TMCC1: variants seen among roughly 807,000 people sequenced by gnomAD.
The protein encoded by TMCC1 is transmembrane and coiled-coil domain family 1, also known as transmembrane and coiled-coil domains protein 1.
In TMCC1, 15 loss-of-function variants were observed where a neutral mutation model predicts 52.4. That is an observed-to-expected ratio of 0.29 (90% CI 0.19 to 0.44). TMCC1 has a LOEUF of 0.44. Among genes scored for constraint, TMCC1 ranks in the 20% least tolerant of loss-of-function variants. The pLI, the probability that TMCC1 is intolerant of heterozygous loss-of-function variation, is 1.00. For synonymous variants in TMCC1, 279 were observed against 301.9 expected (o/e 0.92, Z 0.79); for missense variants, 503 against 806.0 (o/e 0.62, Z 4.55).
At chr3:129,687,878 GA>G (rs903620536) in intron 4 of TMCC1, among the ~76,000 whole-genome samples, 1 of 151,556 alleles carries the variant, frequency 6.6e-6, no homozygotes, top group Admixed American at 6.6e-5. Flanking sequence ...AAAAAGCAGG[GA>G]AAAAAAAGCA....
At chr3:129,720,585 C>T (rs1313797297) in intron 4 of TMCC1, among the ~76,000 whole-genome samples, 11 of 152,166 alleles carry the variant, frequency 7.2e-5, no homozygotes, top group African/African-American at 2.4e-4. Context: ...ACCTGAGCCC[C>T]CCAACAACTA....
intron 4 of TMCC1, among the ~76,000 whole-genome samples, chr3:129,773,390 C>A (rs1009175693): frequency 6.6e-6 from 1 of 151,888 alleles, no homozygotes; most frequent in African/African-American, 2.4e-5. Flanking sequence ...TAATAGAAAG[C>A]AAAGCTAGGG....
intron 4 of TMCC1, among the ~76,000 whole-genome samples, chr3:129,716,949 T>C (rs2049155617): frequency 6.6e-6 from 1 of 152,202 alleles, no homozygotes; most frequent in African/African-American, 2.4e-5. Context: ...TTCAGTGACA[T>C]TTCGAATAGT....
intron 5 of TMCC1, among the ~76,000 whole-genome samples, chr3:129,664,691 T>C (rs139736089): frequency 8.5e-4 from 129 of 152,236 alleles, no homozygotes; most frequent in African/African-American, 2.6e-3. Context: ...CCAGATCCCC[T>C]AAGAAAAAAA....
chr3:129,661,647 A>T lies in TMCC1; in HGVS notation c.1512-6544T>A, dbSNP rs182538261. ...AAACCCTGTCTCTACTAAAAATACA[A>T]AAAAAATCAGGTTGGTGTGGTGGCA... On this transcript the variant is annotated intron_variant, in intron 5 of 6. Coordinates refer to ENST00000393238, the MANE Select transcript of TMCC1 (RefSeq NM_001017395.5). Among the ~76,000 whole-genome samples, 9 of 152,154 alleles carry T rather than the reference A, an allele frequency of 5.9e-5. No individual in the cohort carries two copies. In the East Asian group the frequency reaches 1.7e-3, roughly 29 times the overall value.
At position 129,670,631 on chromosome 3, in the gene TMCC1, C is replaced by G. The variant is rs769023534; in HGVS notation, c.1210G>C (p.Ala404Pro). The G allele has an allele frequency of 9.9e-6, 16 of 1,614,110 alleles. No individual in the cohort carries two copies. The South Asian group carries it at 1.8e-4, about 18-fold the overall frequency. ...TGAAAGTTTGAAATCACTCCCAAAG[C>G]CTTCCCCGCATCATCCACTTGCCCT... ...EEGQVDDAGK[A>P]LGVISNFQSS... Residue 404 changes from alanine to proline, a missense_variant, in exon 5 of 7, where the codon GCT (alanine) becomes CCT (proline). Physicochemically the swap from Ala to Pro is conservative, Grantham distance 27. This residue lies in a region of TMCC1 where 38 missense variants were observed against 29.8 expected (regional missense o/e 1.28). Transcript: ENST00000393238.
intron 2 of TMCC1, among the ~76,000 whole-genome samples, chr3:129,872,389 A>G (rs1560591618): frequency 6.6e-6 from 1 of 152,156 alleles, no homozygotes. Flanking sequence ...TAGATATACA[A>G]ATTCTCAGGC....
chr3:129,883,863 A>T (rs557671259), intron 1 of TMCC1, among the ~76,000 whole-genome samples: 1 of 151,704 alleles, frequency 6.6e-6, no homozygotes, highest in South Asian at 2.1e-4. Context: ...TTTAGAAATA[A>T]AAAAATTAAA....
chr3:129,784,428 C>T lies in TMCC1; in HGVS notation c.576+43375G>A, dbSNP rs996114447. ...AAAAATACAAAAAATTAGCCCGGTG[C>T]AGTGGCGGGCGCCTGTAGTTCCAGC... On this transcript the variant is annotated intron_variant, in intron 4 of 6. Coordinates refer to ENST00000393238, the MANE Select transcript of TMCC1 (RefSeq NM_001017395.5). Among the ~76,000 whole-genome samples the T allele has an allele frequency of 3.3e-5, 5 of 151,608 alleles. No individual in the cohort carries two copies. The East Asian group carries it at 5.8e-4, about 18-fold the overall frequency.
At chr3:129,765,991 ACT>A (rs1427354912) in intron 4 of TMCC1, among the ~76,000 whole-genome samples, 3 of 152,116 alleles carry the variant, frequency 2.0e-5, no homozygotes, top group African/African-American at 7.2e-5. Context: ...ATTTGGATAT[ACT>A]CGAAGCCCAA....
chr3:129,652,338 C>T (rs1207182674), intron 6 of TMCC1, among the ~76,000 whole-genome samples: 4 of 152,140 alleles, frequency 2.6e-5, no homozygotes, highest in African/African-American at 9.7e-5. Flanking sequence ...GCCAAATGAA[C>T]GGACTCCCTC....
intron 4 of TMCC1, among the ~76,000 whole-genome samples, chr3:129,775,785 C>G (rs1430536269): frequency 6.6e-6 from 1 of 152,174 alleles, no homozygotes; most frequent in African/African-American, 2.4e-5. Flanking sequence ...ACTGTTACCA[C>G]CCTAATGCAA....
intron 4 of TMCC1, among the ~76,000 whole-genome samples, chr3:129,676,698 A>G (rs1001751237): frequency 2.6e-5 from 4 of 152,242 alleles, no homozygotes; most frequent in Admixed American, 1.3e-4. Context: ...GGAAAGGGCA[A>G]GAATAAGAAG....
rs1208917691 is a variant in TMCC1, at chr3:129,649,850, T to C, written c.*1631A>G. The stretch of plus-strand genomic sequence containing the variant: ...AAGCTCTCTAGATAAACTCTAAATG[T>C]TCAAGTTCCACCAGGATGATGGAAC... On this transcript the variant is annotated 3_prime_UTR_variant, in exon 7 of 7. Coordinates refer to ENST00000393238, the MANE Select transcript of TMCC1 (RefSeq NM_001017395.5). The C allele has an allele frequency of 1.3e-5, 2 of 152,460 alleles. No individual in the cohort carries two copies. Among genetic ancestry groups the C allele is most frequent in the African/African-American group, 2.4e-5 (1 of 41,458 alleles). The allele number at this position is 152,460 out of a possible 1,614,324, so 9.4% of individuals were successfully genotyped here.
chr3:129,769,438 C>T (rs961466470), intron 4 of TMCC1, among the ~76,000 whole-genome samples: 1 of 152,114 alleles, frequency 6.6e-6, no homozygotes, highest in Admixed American at 6.5e-5. Flanking sequence ...CCATGTTGGC[C>T]AGGCTGGTCT....
At chr3:129,817,864 G>A (rs544103760) in intron 4 of TMCC1, among the ~76,000 whole-genome samples, 1 of 152,174 alleles carries the variant, frequency 6.6e-6, no homozygotes, top group Admixed American at 6.5e-5. Flanking sequence ...CCAGGCTAGA[G>A]TGCAATGGCG....
At chr3:129,707,443 G>A (rs548573505) in intron 4 of TMCC1, among the ~76,000 whole-genome samples, 151 of 152,116 alleles carry the variant, frequency 9.9e-4, no homozygotes, top group African/African-American at 3.4e-3. Flanking sequence ...TATCACATAC[G>A]ACTAAGAAGC....
intron 4 of TMCC1, among the ~76,000 whole-genome samples, chr3:129,811,959 A>G (rs1576944584): frequency 6.6e-6 from 1 of 151,414 alleles, no homozygotes; most frequent in Non-Finnish European, 1.5e-5. Flanking sequence ...AAAAAAAAAA[A>G]AAAGAAAGAA....
chr3:129,827,839 A>AGCT lies in TMCC1; in HGVS notation c.539_540insAGC (p.Ala181dup). ...TTCCCTCCTCTCCTGGTAGACATGC[A>AGCT]GCAGCAGCAGCAGCAGCAGCACAAG... On this transcript the variant is annotated inframe_insertion, in exon 4 of 7. Coordinates refer to ENST00000393238, the MANE Select transcript of TMCC1 (RefSeq NM_001017395.5). 6.7e-7 allele frequency: 1 copy of AGCT among 1,487,496 alleles called. No homozygotes were observed. Among genetic ancestry groups the AGCT allele is most frequent in the Non-Finnish European group, 9.2e-7 (1 of 1,083,006 alleles). 92.1% of individuals were successfully genotyped at this position (1,487,496 alleles called of 1,614,324 possible).
Sources: gnomAD v4.1 joint callset for allele counts (sites outside exome capture counted in the v4.1 genomes callset) on GRCh38, gnomAD v4.1.1 for gene constraint, gnomAD v4.1.1 regional missense constraint, MANE v1.5 for transcripts, NCBI Gene and HGNC (gene_info 2026-07-23, HGNC 2026-07-21) for gene names.